NR5A2: variants seen among roughly 807,000 people sequenced by gnomAD.
NR5A2 encodes CYP7A promoter-binding factor.
In NR5A2, 26 loss-of-function variants were observed where a neutral mutation model predicts 62.7. The ratio of observed to expected loss-of-function variants is 0.41; its 90% confidence interval spans 0.30 to 0.58. The LOEUF (loss-of-function observed/expected upper bound fraction) is 0.58. Ranked by LOEUF, NR5A2 falls within the 20% of genes least tolerant of loss-of-function variation. The pLI, the probability that NR5A2 is intolerant of heterozygous loss-of-function variation, is 0.22. For synonymous variants in NR5A2, 246 were observed against 241.7 expected (o/e 1.02, Z -0.16); for missense variants, 541 against 669.1 (o/e 0.81, Z 2.11).
intron 5 of NR5A2, among the ~76,000 whole-genome samples, chr1:200,052,782 C>T (rs556178387): frequency 6.9e-4 from 104 of 151,728 alleles, no homozygotes; most frequent in Non-Finnish European, 1.2e-3. Flanking sequence ...GCTGGGACTA[C>T]AGGTGCCTGC....
At chr1:200,042,320 G>A (rs977289729) in intron 2 of NR5A2, among the ~76,000 whole-genome samples, 1 of 152,126 alleles carries the variant, frequency 6.6e-6, no homozygotes, top group African/African-American at 2.4e-5. Context: ...GTCCTTAGCC[G>A]CAAAGTGCTG....
intron 7 of NR5A2, among the ~76,000 whole-genome samples, chr1:200,144,225 TCTCTCTCTCA>T (rs999588957): frequency 2.0e-4 from 8 of 39,328 alleles, no homozygotes; most frequent in South Asian, 8.7e-4. Flanking sequence ...TCTCTCTCTC[TCTCTCTCTCA>T]CACACACACA....
chr1:200,094,387 G>C (rs1176092573), intron 5 of NR5A2, among the ~76,000 whole-genome samples: 1 of 151,528 alleles, frequency 6.6e-6, no homozygotes, highest in African/African-American at 2.4e-5. Context: ...GTTTCACCAT[G>C]TTGCCCAGGC....
intron 1 of NR5A2, chr1:200,029,139 C>T (rs1356236459): frequency 2.3e-6 from 1 of 433,726 alleles, no homozygotes; most frequent in Non-Finnish European, 4.6e-6. Context: ...AGGAGTCCTT[C>T]CCGGCAGCTC....
chr1:200,164,469 C>G (rs975290254), intron 7 of NR5A2, among the ~76,000 whole-genome samples: 7 of 151,892 alleles, frequency 4.6e-5, no homozygotes, highest in Non-Finnish European at 8.8e-5. Context: ...ATATACATTA[C>G]ATTTAAAACA....
Position 200,147,415 on chromosome 1 carries a change from G to A in NR5A2, c.1378+26460G>A, listed in dbSNP as rs1667757217. The A allele has an allele frequency of 4.4e-6, 2 of 458,038 alleles. No individual in the cohort carries two copies. The highest frequency in any genetic ancestry group is 1.1e-4 in the East Asian group (2 of 18,826). The allele number at this position is 458,038 out of a possible 1,614,324, so 28.4% of individuals were successfully genotyped here. A position where few individuals can be genotyped will look rare whatever the true frequency, so the allele number is the denominator to read the frequency against. Reference sequence around the variant, plus strand: ...GAGTCTGTATGGGTCTGGGCGAGATGCAGGCAGCTTATCTGTTTATGGGGC... The same window carrying A: ...GAGTCTGTATGGGTCTGGGCGAGATACAGGCAGCTTATCTGTTTATGGGGC... On this transcript the variant is annotated intron_variant, in intron 7 of 7. Transcript: ENST00000367362. The surrounding 1 kb of genome is among the most constrained non-coding windows in gnomAD (Gnocchi z 4.9).
intron 5 of NR5A2, among the ~76,000 whole-genome samples, chr1:200,067,615 G>A (rs1034635643): frequency 6.6e-6 from 1 of 152,128 alleles, no homozygotes; most frequent in Non-Finnish European, 1.5e-5. Context: ...CAACAGACAC[G>A]AGTCTGCTTG....
intron 5 of NR5A2, among the ~76,000 whole-genome samples, chr1:200,059,385 G>A (rs577385007): frequency 1.3e-5 from 2 of 152,256 alleles, no homozygotes; most frequent in East Asian, 3.9e-4. Flanking sequence ...CTGAACAATC[G>A]GTAGAAGCAA....
At chr1:200,057,879 C>A (rs1483534443) in intron 5 of NR5A2, 1 of 154,084 alleles carries the variant, frequency 6.5e-6, no homozygotes, top group Non-Finnish European at 1.4e-5. Flanking sequence ...CTCACTGCAA[C>A]CTCCACCTCC....
chr1:200,056,907 A>G (rs1253738737), intron 5 of NR5A2, among the ~76,000 whole-genome samples: 2 of 152,160 alleles, frequency 1.3e-5, no homozygotes, highest in Non-Finnish European at 2.9e-5. Flanking sequence ...GAGTAGGACC[A>G]CACTGCTACC....
At chr1:200,057,800 CT>C in intron 5 of NR5A2, 1 of 175,634 alleles carries the variant, frequency 5.7e-6, no homozygotes. Context: ...CTTTTTTTTC[CT>C]TTTTTCTTTT....
chr1:200,083,664 T>C (rs1446222504), intron 5 of NR5A2, among the ~76,000 whole-genome samples: 2 of 152,148 alleles, frequency 1.3e-5, no homozygotes, highest in South Asian at 2.1e-4. Context: ...TACAGCAATA[T>C]TGTATAGCAA....
At chr1:200,113,320 T>G (rs1043518549) in intron 6 of NR5A2, among the ~76,000 whole-genome samples, 1 of 152,188 alleles carries the variant, frequency 6.6e-6, no homozygotes, top group African/African-American at 2.4e-5. Flanking sequence ...AACCCCTCCC[T>G]TCACTTTTTT....
chr1:200,079,548 G>A (rs1025852489), intron 5 of NR5A2, among the ~76,000 whole-genome samples: 1 of 152,218 alleles, frequency 6.6e-6, no homozygotes, highest in Non-Finnish European at 1.5e-5. Context: ...CCTAAAACGG[G>A]CATTGGCTTT....
At chr1:200,141,604 T>C (rs945864478) in intron 7 of NR5A2, among the ~76,000 whole-genome samples, 1 of 152,224 alleles carries the variant, frequency 6.6e-6, no homozygotes, top group Admixed American at 6.5e-5. Context: ...AATATAAGTT[T>C]TCATTTCTCT....
intron 6 of NR5A2, among the ~76,000 whole-genome samples, chr1:200,119,874 G>T (rs1666403528): frequency 6.6e-6 from 1 of 151,824 alleles, no homozygotes; most frequent in Non-Finnish European, 1.5e-5. Context: ...CTCCCAAAGT[G>T]CTGGGATTAC....
intron 5 of NR5A2, among the ~76,000 whole-genome samples, chr1:200,055,239 AG>A (rs1201664756): frequency 6.6e-6 from 1 of 150,724 alleles, no homozygotes; most frequent in South Asian, 2.1e-4. Flanking sequence ...CTTGTTGCCC[AG>A]GCTGGAGTGC....
intron 7 of NR5A2, among the ~76,000 whole-genome samples, chr1:200,170,880 T>C (rs772142754): frequency 1.3e-5 from 2 of 152,192 alleles, no homozygotes; most frequent in Non-Finnish European, 2.9e-5. Context: ...AATCAGTTTC[T>C]AGTTAGAAAA....
chr1:200,091,395 G>A (rs1664805844), intron 5 of NR5A2, among the ~76,000 whole-genome samples: 1 of 151,986 alleles, frequency 6.6e-6, no homozygotes, highest in African/African-American at 2.4e-5. Flanking sequence ...TTATTTGCCC[G>A]AGTTCACACT....
Sources: gnomAD v4.1 joint callset for allele counts (sites outside exome capture counted in the v4.1 genomes callset) on GRCh38, gnomAD v4.1.1 for gene constraint, Gnocchi (gnomAD v3.1) non-coding constraint, MANE v1.5 for transcripts, NCBI Gene and HGNC (gene_info 2026-07-23, HGNC 2026-07-21) for gene names.